Variants in PDE4D observed in about 807,000 individuals in gnomAD.
PDE4D encodes phosphodiesterase 4D, also known as 3',5'-cyclic-AMP phosphodiesterase 4D.
In PDE4D, 24 loss-of-function variants were observed where a neutral mutation model predicts 87.4. The observed-to-expected ratio is 0.27, with a 90% CI of 0.20 to 0.39. PDE4D has a LOEUF of 0.39. PDE4D is among the 10% of genes least tolerant of loss of function. The pLI is 1.00. For missense variants in PDE4D, 714 were observed against 1,041.0 expected (o/e 0.69, Z 4.32); for synonymous variants, 384 against 383.2 (o/e 1.00, Z -0.02).
intron 2 of PDE4D, among the ~76,000 whole-genome samples, chr5:60,123,623 G>A (rs1302018392): frequency 1.3e-5 from 2 of 151,728 alleles, no homozygotes; most frequent in Non-Finnish European, 2.9e-5. Context: ...GATTTGGGTG[G>A]GGACACAGAG....
intron 1 of PDE4D, among the ~76,000 whole-genome samples, chr5:60,411,998 AT>A (rs988450389): frequency 1.3e-5 from 2 of 152,204 alleles, no homozygotes; most frequent in African/African-American, 4.8e-5. Context: ...CACTAACTTA[AT>A]AAAACAGTAC....
chr5:60,474,105 CAT>C (rs1158022321), intron 1 of PDE4D, among the ~76,000 whole-genome samples: 1,343 of 30,818 alleles, frequency 0.044, 12 homozygotes, highest in Non-Finnish European at 0.072. Context: ...TTTGAGCTGC[CAT>C]ATATATATAT....
rs1483687267 is a variant in PDE4D, at chr5:59,648,532, A to G, written c.455+244636T>C. Reference sequence around the variant, plus strand: ...ATGACTAATTATTAATTTAAAGGTTATGAAAACACTCTTAAATATTAATGA... The same window carrying G: ...ATGACTAATTATTAATTTAAAGGTTGTGAAAACACTCTTAAATATTAATGA... On this transcript the variant is annotated intron_variant, in intron 1 of 14. Coordinates refer to ENST00000340635, the MANE Select transcript of PDE4D (RefSeq NM_001104631.2). Among the ~76,000 whole-genome samples the G allele has an allele frequency of 2.0e-5, 3 of 152,336 alleles. No individual in the cohort carries two copies. The East Asian group carries it at 5.8e-4, about 29-fold the overall frequency.
intron 5 of PDE4D, among the ~76,000 whole-genome samples, chr5:59,071,330 TTC>T (rs1266168201): frequency 4.6e-5 from 7 of 152,190 alleles, no homozygotes; most frequent in African/African-American, 1.7e-4. Context: ...TCCTGCAGTT[TTC>T]TCTTTTTTCT....
At chr5:59,463,553 C>A (rs1041629056) in intron 1 of PDE4D, among the ~76,000 whole-genome samples, 2 of 152,104 alleles carry the variant, frequency 1.3e-5, no homozygotes, top group Non-Finnish European at 2.9e-5. Flanking sequence ...AGCCAGGTGG[C>A]CAAGGTTTCA....
intron 1 of PDE4D, among the ~76,000 whole-genome samples, chr5:59,750,083 C>A (rs1385340048): frequency 8.6e-6 from 1 of 116,440 alleles, no homozygotes; most frequent in Non-Finnish European, 1.9e-5. Flanking sequence ...AGAATTATGA[C>A]CTTTTTTTTT....
chr5:59,044,766 T>C (rs1344974381), intron 5 of PDE4D, among the ~76,000 whole-genome samples: 1 of 152,238 alleles, frequency 6.6e-6, no homozygotes, highest in African/African-American at 2.4e-5. Flanking sequence ...ATAAAATATA[T>C]AAAACTTTAT....
Position 59,322,578 on chromosome 5 carries a change from C to T in PDE4D, c.456-106610G>A, listed in dbSNP as rs545046072. Among the ~76,000 whole-genome samples, 5 of 152,184 alleles carry T rather than the reference C, an allele frequency of 3.3e-5. No homozygotes were observed. In the South Asian group the frequency reaches 1.0e-3, roughly 32 times the overall value. On this transcript the variant is annotated intron_variant, in intron 1 of 14. Transcript: ENST00000340635. ...ATCTTTATGGCTTATGGGTCAAATC[C>T]AATGCTATCTATATTTACATTATGT...
intron 1 of PDE4D, among the ~76,000 whole-genome samples, chr5:59,767,981 T>G (rs542182169): frequency 1.3e-5 from 2 of 152,342 alleles, no homozygotes; most frequent in East Asian, 3.9e-4. Context: ...ATTTGACATC[T>G]GGCATCCAAT....
intron 1 of PDE4D, among the ~76,000 whole-genome samples, chr5:59,826,936 A>G (rs1770398487): frequency 6.6e-6 from 1 of 152,138 alleles, no homozygotes. Context: ...AATCGTCTAT[A>G]GGAATGTTAC....
At chr5:59,080,794 T>C (rs935625628) in intron 5 of PDE4D, among the ~76,000 whole-genome samples, 1 of 152,210 alleles carries the variant, frequency 6.6e-6, no homozygotes, top group East Asian at 1.9e-4. Flanking sequence ...GCTTTCCTAA[T>C]GTTCAATTTA....
chr5:60,382,904 A>G (rs181493786), intron 1 of PDE4D, among the ~76,000 whole-genome samples: 1 of 152,232 alleles, frequency 6.6e-6, no homozygotes, highest in Admixed American at 6.5e-5. Flanking sequence ...CCAGTCCATC[A>G]TCTTAGGGTC....
intron 1 of PDE4D, chr5:59,558,732 C>T (rs781434987): frequency 8.5e-5 from 13 of 152,096 alleles, no homozygotes; most frequent in Non-Finnish European, 1.8e-4. Flanking sequence ...ATGAAAAATT[C>T]CAGTGGAAAA....
intron 6 of PDE4D, among the ~76,000 whole-genome samples, chr5:59,017,637 A>G (rs1484256736): frequency 6.7e-6 from 1 of 149,374 alleles, no homozygotes; most frequent in African/African-American, 2.5e-5. Flanking sequence ...ACATTATATT[A>G]GAATAGACTA....
intron 1 of PDE4D, among the ~76,000 whole-genome samples, chr5:60,243,908 C>T (rs896280011): frequency 6.6e-6 from 1 of 151,880 alleles, no homozygotes; most frequent in African/African-American, 2.4e-5. Context: ...TAAGGAAGCC[C>T]ATTTTTACCA....
chr5:59,396,250 C>A (rs1482678085), intron 1 of PDE4D, among the ~76,000 whole-genome samples: 1 of 110,340 alleles, frequency 9.1e-6, no homozygotes, highest in East Asian at 2.9e-4. Context: ...AGATACTCCT[C>A]GAGAAGAGCA....
At chr5:59,128,527 T>A (rs1775829445) in intron 5 of PDE4D, among the ~76,000 whole-genome samples, 1 of 152,038 alleles carries the variant, frequency 6.6e-6, no homozygotes, top group East Asian at 1.9e-4. Flanking sequence ...CCATTTACAG[T>A]GGAGTGTATT....
At chr5:59,955,497 CA>C in intron 3 of PDE4D, among the ~76,000 whole-genome samples, 1 of 152,290 alleles carries the variant, frequency 6.6e-6, no homozygotes, top group South Asian at 2.1e-4. Context: ...CTGGGAATAT[CA>C]CACAAATTGG....
chr5:60,338,879 A>G (rs934850375), intron 1 of PDE4D, among the ~76,000 whole-genome samples: 1 of 152,128 alleles, frequency 6.6e-6, no homozygotes, highest in African/African-American at 2.4e-5. Context: ...CAGGGGCTCT[A>G]TACGACAGTC....
Sources: allele counts gnomAD v4.1 joint callset (sites outside exome capture counted in the v4.1 genomes callset), GRCh38; gene constraint gnomAD v4.1.1; transcripts MANE v1.5; gene names NCBI Gene and HGNC (gene_info 2026-07-23, HGNC 2026-07-21).